KIF9: variants seen among roughly 807,000 people sequenced by gnomAD.
KIF9 encodes kinesin-like protein KIF9.
KIF9 carries 68 observed loss-of-function variants against 94.8 expected under a neutral mutation model. The observed-to-expected ratio is 0.72, with a 90% CI of 0.59 to 0.88. KIF9 has a LOEUF of 0.88. KIF9 is among the 40% of genes least tolerant of loss of function. The pLI is 0.00. For missense variants in KIF9, 882 were observed against 982.5 expected (o/e 0.90, Z 1.37); for synonymous variants, 343 against 362.1 (o/e 0.95, Z 0.60).
intron 9 of KIF9, chr3:47,263,752 G>T: frequency 2.3e-6 from 1 of 432,196 alleles, no homozygotes; most frequent in Non-Finnish European, 4.6e-6. Flanking sequence ...TTAGGACCAT[G>T]GCTTCTCTCT....
chr3:47,265,830 G>C lies in KIF9; in HGVS notation c.816C>G (p.Leu272=), dbSNP rs746914227. Residue 272 remains leucine, a synonymous_variant, in exon 8 of 21, where the codon CTC becomes CTG. Transcript: ENST00000684063. ...CAATGATGGCCTGCTCCAGGAATGA[G>C]AGCGATTTGTTGATGTAGGTGGCTT... The part of the protein sequence containing the change: ...LKEATYINKS[L]SFLEQAIIAL... The C allele has an allele frequency of 2.6e-5, 42 of 1,614,060 alleles. No homozygotes were observed. In the East Asian group the frequency reaches 3.6e-4, roughly 14 times the overall value.
chr3:47,263,021 C>T (rs577099168), intron 9 of KIF9, among the ~76,000 whole-genome samples: 5 of 152,258 alleles, frequency 3.3e-5, no homozygotes, highest in South Asian at 2.1e-4. Flanking sequence ...GTCTCAGCCT[C>T]CCGAGTAGCT....
intron 1 of KIF9, among the ~76,000 whole-genome samples, chr3:47,278,515 G>T (rs980657381): frequency 6.6e-6 from 1 of 152,078 alleles, no homozygotes; most frequent in Admixed American, 6.6e-5. Flanking sequence ...GACTACAGGC[G>T]CATGGCTTGG....
At chr3:47,242,260 G>A (rs931763160) in intron 16 of KIF9, among the ~76,000 whole-genome samples, 4 of 152,120 alleles carry the variant, frequency 2.6e-5, no homozygotes, top group African/African-American at 9.7e-5. Context: ...AGCATTTCAT[G>A]TTATTAAAAA....
At chr3:47,251,555 C>A (rs1446455928) in intron 10 of KIF9, among the ~76,000 whole-genome samples, 1 of 152,082 alleles carries the variant, frequency 6.6e-6, no homozygotes, top group African/African-American at 2.4e-5. Flanking sequence ...CAGAGTGAGA[C>A]CCTGTCTCAA....
intron 17 of KIF9, among the ~76,000 whole-genome samples, chr3:47,238,844 T>C (rs1699250735): frequency 6.6e-6 from 1 of 152,112 alleles, no homozygotes; most frequent in South Asian, 2.1e-4. Flanking sequence ...TTTGTATTTT[T>C]AGTAGAGACA....
intron 1 of KIF9, chr3:47,281,214 G>T: frequency 1.8e-6 from 1 of 568,272 alleles, no homozygotes; most frequent in Non-Finnish European, 3.1e-6. Flanking sequence ...GTCCCAAGGG[G>T]CATATGATGT....
chr3:47,265,880 A>G lies in KIF9; in HGVS notation c.769-3T>C, dbSNP rs900296039. ...TCCTTCAGGACTTGGCCCTCAGACT[A>G]CAAAGCAAAGGTCAGTTCCACTTTG... On this transcript the variant is annotated splice_polypyrimidine_tract_variant and splice_region_variant and intron_variant, in intron 7 of 20. Transcript: ENST00000684063. 1 of 1,614,042 alleles carries G rather than the reference A, an allele frequency of 6.2e-7. No individual in the cohort carries two copies. Among genetic ancestry groups the G allele is most frequent in the African/African-American group, 1.3e-5 (1 of 74,920 alleles).
chr3:47,251,648 T>C (rs1700279421), intron 10 of KIF9, among the ~76,000 whole-genome samples: 1 of 152,234 alleles, frequency 6.6e-6, no homozygotes, highest in Non-Finnish European at 1.5e-5. Flanking sequence ...AGTTTCCTAA[T>C]AGGCATTTTC....
chr3:47,263,483 C>T (rs925339944), intron 9 of KIF9, among the ~76,000 whole-genome samples: 6 of 152,150 alleles, frequency 3.9e-5, no homozygotes, highest in Non-Finnish European at 7.3e-5. Flanking sequence ...ACACCAGAGC[C>T]GATTCAGCCC....
chr3:47,236,038 G>C lies in KIF9; in HGVS notation c.2213C>G (p.Ser738Cys). The change falls in exon 19 of 21, where the codon TCT becomes TGT. Residue 738 changes from serine (S) to cysteine (C), a missense_variant. Coordinates refer to ENST00000684063, the MANE Select transcript of KIF9 (RefSeq NM_182902.4). ...PGMVPVNRIV[S>C]LGEDDQDKFS... ...CCCTGCCCCTGTGCCGCTCACCAGA[G>C]ACACAATCCTGTTCACAGGGACCAT... The C allele has an allele frequency of 6.2e-7, 1 of 1,612,808 alleles. No individual in the cohort carries two copies. Among genetic ancestry groups the C allele is most frequent in the Non-Finnish European group, 8.5e-7 (1 of 1,178,868 alleles).
intron 9 of KIF9, among the ~76,000 whole-genome samples, chr3:47,261,583 G>GTGGC (rs1700976483): frequency 6.6e-6 from 1 of 152,220 alleles, no homozygotes; most frequent in Non-Finnish European, 1.5e-5. Flanking sequence ...CAGTCTAGGA[G>GTGGC]TGGCTGGCCC....
chr3:47,231,528 A>C (rs1478305693), intron 20 of KIF9, among the ~76,000 whole-genome samples: 1 of 148,052 alleles, frequency 6.8e-6, no homozygotes, highest in Non-Finnish European at 1.5e-5. Flanking sequence ...CTCACACCTC[A>C]GCCTCCCAAG....
intron 3 of KIF9, among the ~76,000 whole-genome samples, 167 bp from the exon 4 acceptor site, chr3:47,273,825 G>A (rs1464192442): frequency 6.6e-6 from 1 of 152,226 alleles, no homozygotes; most frequent in African/African-American, 2.4e-5. Flanking sequence ...GGTGGGCAGG[G>A]GAACAGGGAC....
intron 2 of KIF9, among the ~76,000 whole-genome samples, chr3:47,276,321 C>T (rs553797924): frequency 4.1e-4 from 63 of 151,934 alleles, no homozygotes; most frequent in African/African-American, 1.4e-3. Flanking sequence ...TTTGGGAGGC[C>T]GTGGCAGGTA....
At chr3:47,245,203 G>T in intron 14 of KIF9, 1 of 600,152 alleles carries the variant, frequency 1.7e-6, no homozygotes, top group Non-Finnish European at 2.9e-6. Context: ...CCAGGAAATC[G>T]TCTTTAATAT....
At chr3:47,248,807 C>T (rs1192497445) in intron 10 of KIF9, among the ~76,000 whole-genome samples, 1 of 151,532 alleles carries the variant, frequency 6.6e-6, no homozygotes, top group African/African-American at 2.4e-5. Context: ...GCAGTGTCAC[C>T]ATCATGGCTC....
chr3:47,264,131 C>A lies in KIF9; in HGVS notation c.981+155G>T, dbSNP rs73831488. On this transcript the variant is annotated intron_variant, in intron 9 of 20. Transcript: ENST00000684063. ...GGTGTGTGGATCCTAGCTCTGGGCC[C>A]CCTCAGCAACTGTGGCTCAGACTCA... 6.4e-4 allele frequency: 411 copies of A among 639,664 alleles called. 2 individuals are homozygous for A. The African/African-American group carries it at 6.8e-3, about 11-fold the overall frequency. 39.6% of individuals were successfully genotyped at this position (639,664 alleles called of 1,614,324 possible). A position where few individuals can be genotyped will look rare whatever the true frequency, so the allele number is the denominator to read the frequency against.
At position 47,244,816 on chromosome 3, in the gene KIF9, T is replaced by C. The variant is rs750554836; in HGVS notation, c.1489A>G (p.Lys497Glu). ...STKPGKKAKSKKTFKEPLSSL... is the reference protein window; with the variant it reads ...STKPGKKAKSEKTFKEPLSSL... ...CTGAGTGGCTCTTTGAATGTCTTCTTGGACTTGGCTTTCTTCCCAGGTTTG... is the reference window on the plus strand; with the variant it reads ...CTGAGTGGCTCTTTGAATGTCTTCTCGGACTTGGCTTTCTTCCCAGGTTTG... Residue 497 changes from lysine to glutamate, a missense_variant, in exon 15 of 21, where the codon AAG becomes GAG. By Grantham distance (56) the Lys-to-Glu change is moderately conservative. Coordinates refer to ENST00000684063, the MANE Select transcript of KIF9 (RefSeq NM_182902.4). The C allele has an allele frequency of 1.2e-5, 20 of 1,614,048 alleles. No homozygotes were observed. Among genetic ancestry groups the C allele is most frequent in the Non-Finnish European group, 1.7e-5 (20 of 1,180,006 alleles).
Sources: gnomAD v4.1 joint callset for allele counts (sites outside exome capture counted in the v4.1 genomes callset) on GRCh38, gnomAD v4.1.1 for gene constraint, MANE v1.5 for transcripts, NCBI Gene and HGNC (gene_info 2026-07-23, HGNC 2026-07-21) for gene names.